PPP2R2B: variants seen among roughly 807,000 people sequenced by gnomAD.
The protein encoded by PPP2R2B is serine/threonine-protein phosphatase 2A 55 kDa regulatory subunit B beta isoform.
A neutral mutation model predicts 46.0 loss-of-function variants in PPP2R2B; 5 were observed. That is an observed-to-expected ratio of 0.11 (90% CI 0.06 to 0.23). The LOEUF (loss-of-function observed/expected upper bound fraction) is 0.23. Ranked by LOEUF, PPP2R2B falls within the 10% of genes least tolerant of loss-of-function variation. The probability of loss-of-function intolerance (pLI) is 1.00; values close to 1 mark genes in which losing one functional copy is unlikely to be tolerated. For missense variants in PPP2R2B, 367 were observed against 575.0 expected (o/e 0.64, Z 3.70); for synonymous variants, 215 against 206.7 (o/e 1.04, Z -0.34).
At chr5:146,767,423 A>G (rs901353172) in intron 2 of PPP2R2B, among the ~76,000 whole-genome samples, 3 of 152,088 alleles carry the variant, frequency 2.0e-5, no homozygotes, top group African/African-American at 7.2e-5. Flanking sequence ...CGTGGTATAG[A>G]GTGAATCTTT....
chr5:146,794,749 A>C (rs536540459), intron 2 of PPP2R2B, among the ~76,000 whole-genome samples: 34 of 152,280 alleles, frequency 2.2e-4, no homozygotes, highest in Non-Finnish European at 4.4e-4. Flanking sequence ...TTATGTTTTT[A>C]CTTAGGGTTT....
chr5:146,861,636 G>A (rs1761008121), intron 2 of PPP2R2B, among the ~76,000 whole-genome samples: 1 of 152,124 alleles, frequency 6.6e-6, no homozygotes, highest in Non-Finnish European at 1.5e-5. Context: ...TATAAACAAT[G>A]TATATATTTA....
At chr5:146,640,094 T>C (rs956299789) in intron 6 of PPP2R2B, among the ~76,000 whole-genome samples, 10 of 152,230 alleles carry the variant, frequency 6.6e-5, no homozygotes, top group Admixed American at 6.5e-4. Context: ...AACAAAGTAA[T>C]CATCTATGAT....
intron 2 of PPP2R2B, among the ~76,000 whole-genome samples, chr5:146,845,169 T>C (rs900455918): frequency 6.6e-5 from 10 of 152,172 alleles, no homozygotes; most frequent in Admixed American, 2.0e-4. Context: ...GGCTGGCTCA[T>C]TGTCATTCTT....
chr5:146,711,753 G>T (rs943016978), intron 2 of PPP2R2B, among the ~76,000 whole-genome samples: 5 of 152,122 alleles, frequency 3.3e-5, no homozygotes, highest in Non-Finnish European at 7.4e-5. Context: ...AAACACTACT[G>T]GTACTTGCCC....
At chr5:146,829,992 G>C (rs1405241271) in intron 2 of PPP2R2B, among the ~76,000 whole-genome samples, 1 of 152,088 alleles carries the variant, frequency 6.6e-6, no homozygotes, top group Non-Finnish European at 1.5e-5. Flanking sequence ...GATATTGTGA[G>C]AATACCTACA....
intron 6 of PPP2R2B, among the ~76,000 whole-genome samples, chr5:146,649,563 G>T (rs924562458): frequency 4.6e-5 from 7 of 152,018 alleles, no homozygotes; most frequent in African/African-American, 1.7e-4. Flanking sequence ...TCCTGCCTCA[G>T]CCTCCCAAGT....
chr5:147,016,287 A>T (rs1755000410), intron 1 of PPP2R2B, among the ~76,000 whole-genome samples: 1 of 151,338 alleles, frequency 6.6e-6, no homozygotes, highest in Non-Finnish European at 1.5e-5. Context: ...GTAAGCTATG[A>T]CTGCACCACT....
rs1343575183 is a variant in PPP2R2B, at chr5:146,588,864, T to TA, written c.*1082dup. 6.6e-6 allele frequency: 1 copy of TA among 152,164 alleles called. No individual in the cohort carries two copies. The highest frequency in any genetic ancestry group is 1.5e-5 in the Non-Finnish European group (1 of 68,042). The allele number at this position is 152,164 out of a possible 1,614,324, so 9.4% of individuals were successfully genotyped here. A position where few individuals can be genotyped will look rare whatever the true frequency, so the allele number is the denominator to read the frequency against. ...ATTGGACTTCACAACTCAGCGTTTT[T>TA]ATTGGCTATTTTTGTTCTAGGTACA... On this transcript the variant is annotated 3_prime_UTR_variant, in exon 10 of 10. Transcript: ENST00000394411.
At chr5:146,690,958 C>A (rs528275627) in intron 5 of PPP2R2B, among the ~76,000 whole-genome samples, 170 bp downstream of exon 5, 2 of 152,334 alleles carry the variant, frequency 1.3e-5, no homozygotes, top group South Asian at 2.1e-4. Flanking sequence ...GGCTTGGCAC[C>A]TTTCCTGCTT....
chr5:146,923,726 C>A (rs1221617219), intron 1 of PPP2R2B, among the ~76,000 whole-genome samples: 1 of 152,152 alleles, frequency 6.6e-6, no homozygotes, highest in East Asian at 1.9e-4. Flanking sequence ...TGGGTATATA[C>A]CCAAAAGAAT....
At chr5:146,856,651 C>G in intron 2 of PPP2R2B, 1 of 1,134,134 alleles carries the variant, frequency 8.8e-7, no homozygotes, top group East Asian at 2.4e-5. Flanking sequence ...TGGTAACATA[C>G]AGGTGCATTT....
intron 2 of PPP2R2B, among the ~76,000 whole-genome samples, chr5:146,702,301 T>C (rs1179117400): frequency 6.6e-6 from 1 of 152,210 alleles, no homozygotes; most frequent in Non-Finnish European, 1.5e-5. Context: ...TAACTGTTCT[T>C]TTCCATGTAT....
intron 2 of PPP2R2B, among the ~76,000 whole-genome samples, chr5:146,712,298 A>G (rs1780255862): frequency 6.6e-6 from 1 of 152,166 alleles, no homozygotes; most frequent in Admixed American, 6.5e-5. Context: ...ATTTTGAAGA[A>G]TATTATAAAG....
intron 7 of PPP2R2B, among the ~76,000 whole-genome samples, chr5:146,625,464 G>C (rs1198912540): frequency 6.6e-6 from 1 of 152,136 alleles, no homozygotes; most frequent in African/African-American, 2.4e-5. Flanking sequence ...ACCTCTAAAA[G>C]CATTTCTTTA....
chr5:146,893,639 A>G (rs1466050765), intron 1 of PPP2R2B, among the ~76,000 whole-genome samples: 1 of 151,746 alleles, frequency 6.6e-6, no homozygotes, highest in African/African-American at 2.4e-5. Flanking sequence ...TACGGTGAAA[A>G]CCCGTCTCTA....
chr5:146,885,168 G>T (rs1019037741), intron 1 of PPP2R2B, among the ~76,000 whole-genome samples: 20 of 152,170 alleles, frequency 1.3e-4, no homozygotes, highest in Non-Finnish European at 2.6e-4. Flanking sequence ...TACTTGCATT[G>T]TCTCATTTTA....
At position 146,775,742 on chromosome 5, in the gene PPP2R2B, C is replaced by T. The variant is rs528515461; in HGVS notation, c.71-74600G>A. ...TAAAAACCTTAAGAACACAAACACA[C>T]ACACGCAAATCTGTCATAGCTAATA... On this transcript the variant is annotated intron_variant, in intron 2 of 9. Transcript: ENST00000394411. Among the ~76,000 whole-genome samples, 3 of 152,224 alleles carry T rather than the reference C, an allele frequency of 2.0e-5. No homozygotes were observed. In the South Asian group the frequency reaches 6.2e-4, roughly 32 times the overall value.
chr5:146,878,172 G>A lies in PPP2R2B; in HGVS notation c.-101C>T, dbSNP rs749889177. On this transcript the variant is annotated 5_prime_UTR_variant, in exon 2 of 10. Transcript: ENST00000394411. This position sits in a 1 kb window ranked among gnomAD's most constrained non-coding sequence, Gnocchi z 4.5. The stretch of plus-strand genomic sequence containing the variant: ...ACAGGAGAGGGGGGCAGGGGAGCCA[G>A]TGGGACTGCACCATGGTCCGAGCCT... The A allele has an allele frequency of 6.2e-7, 1 of 1,600,958 alleles. No individual in the cohort carries two copies. Among genetic ancestry groups the A allele is most frequent in the South Asian group, 1.1e-5 (1 of 89,906 alleles).
Sources: allele counts gnomAD v4.1 joint callset (sites outside exome capture counted in the v4.1 genomes callset), GRCh38; gene constraint gnomAD v4.1.1; non-coding constraint Gnocchi (gnomAD v3.1); transcripts MANE v1.5; gene names NCBI Gene and HGNC (gene_info 2026-07-23, HGNC 2026-07-21).